CCDC171: variants seen among roughly 807,000 people sequenced by gnomAD.
CCDC171 encodes coiled-coil domain-containing protein 171.
Under a neutral mutation model 168.2 loss-of-function variants are expected in CCDC171, and 177 were observed. That is an observed-to-expected ratio of 1.05 (90% CI 0.93 to 1.19). The LOEUF is 1.19. Among genes scored for constraint, CCDC171 ranks in the 50% most tolerant of loss-of-function variants. The pLI is 0.00. For missense variants in CCDC171, 1,991 were observed against 1,539.0 expected, an observed-to-expected ratio of 1.29 and a Z score of -4.91; for synonymous variants, 687 against 540.8, an observed-to-expected ratio of 1.27 and a Z score of -3.75.
chr9:15,875,367 TA>T (rs1274254290), intron 24 of CCDC171: 5 of 152,026 alleles, frequency 3.3e-5, no homozygotes, highest in African/African-American at 1.2e-4. Flanking sequence ...TTTATGTCAC[TA>T]TTGTATTAAT....
chr9:15,568,212 A>G lies in CCDC171; in HGVS notation c.42-3412A>G, dbSNP rs115943347. Among the ~76,000 whole-genome samples the G allele has an allele frequency of 5.3e-3, 790 of 150,302 alleles. 5 individuals carry two copies. Among genetic ancestry groups the G allele is most frequent in the African/African-American group, 0.019 (762 of 40,832 alleles). ...TTTTACTTCTTCTTTTCCAGTATGCATGCCTTTTATTTCTTTTACATTGCA... is the reference window on the plus strand; with the variant it reads ...TTTTACTTCTTCTTTTCCAGTATGCGTGCCTTTTATTTCTTTTACATTGCA... On this transcript the variant is annotated intron_variant, in intron 2 of 25. Coordinates refer to ENST00000380701, the MANE Select transcript of CCDC171 (RefSeq NM_173550.4).
At chr9:15,608,823 T>C (rs1051165850) in intron 6 of CCDC171, among the ~76,000 whole-genome samples, 17 of 150,210 alleles carry the variant, frequency 1.1e-4, no homozygotes, top group African/African-American at 4.1e-4. Flanking sequence ...CCAGGCGTAG[T>C]GGCATATACC....
chr9:15,702,721 C>G (rs1218106021), intron 11 of CCDC171, among the ~76,000 whole-genome samples: 1 of 152,198 alleles, frequency 6.6e-6, no homozygotes. Flanking sequence ...TTAGCTAGAT[C>G]TGCGGATAAC....
chr9:15,634,921 T>C (rs2046082899), intron 7 of CCDC171, among the ~76,000 whole-genome samples: 1 of 152,204 alleles, frequency 6.6e-6, no homozygotes, highest in East Asian at 1.9e-4. Flanking sequence ...CTGACTTCTT[T>C]CACTTAGCAT....
intron 19 of CCDC171, among the ~76,000 whole-genome samples, chr9:15,778,301 G>A (rs1330589152): frequency 6.3e-5 from 7 of 110,982 alleles, no homozygotes; most frequent in African/African-American, 2.7e-4. Flanking sequence ...GCGACAGAGC[G>A]AGACTCCGTC....
chr9:15,822,241 C>G (rs915644887), intron 21 of CCDC171, among the ~76,000 whole-genome samples: 18 of 152,148 alleles, frequency 1.2e-4, no homozygotes, highest in Admixed American at 8.5e-4. Flanking sequence ...TAGAAGAAAA[C>G]CTAGGCAATA....
At chr9:15,983,690 G>T (rs914337401) in intron 3 of CCDC171, among the ~76,000 whole-genome samples, 1 of 152,050 alleles carries the variant, frequency 6.6e-6, no homozygotes, top group Non-Finnish European at 1.5e-5. Context: ...CCAGATAATT[G>T]TGTAAGGAGT....
At chr9:15,596,881 C>G (rs1447864239) in intron 6 of CCDC171, among the ~76,000 whole-genome samples, 3 of 152,084 alleles carry the variant, frequency 2.0e-5, no homozygotes, top group Non-Finnish European at 4.4e-5. Context: ...AGTTGGATTC[C>G]TAGGTATTTT....
chr9:16,008,314 A>T (rs946188348), intron 3 of CCDC171, among the ~76,000 whole-genome samples: 1 of 152,110 alleles, frequency 6.6e-6, no homozygotes, highest in Non-Finnish European at 1.5e-5. Context: ...GTATCCCTGC[A>T]TTGTTTGTTA....
intron 6 of CCDC171, among the ~76,000 whole-genome samples, chr9:16,032,219 A>T (rs1319583547): frequency 6.6e-6 from 1 of 152,184 alleles, no homozygotes; most frequent in Non-Finnish European, 1.5e-5. Context: ...CCTGCTCTGG[A>T]ATGAGCATGC....
At chr9:15,630,703 C>A (rs1047810249) in intron 7 of CCDC171, among the ~76,000 whole-genome samples, 19 of 152,144 alleles carry the variant, frequency 1.2e-4, no homozygotes, top group Non-Finnish European at 2.5e-4. Flanking sequence ...AACTCTCCAC[C>A]CCAAATCAAC....
rs199582607 is a variant in CCDC171, at chr9:15,579,642, C to G, written c.352+619C>G. ...TGAGGGACCAGAAAATGATCAAAAG[C>G]CCTTCTACATGGATGACTACTATAC... On this transcript the variant is annotated intron_variant, in intron 4 of 25. Coordinates refer to ENST00000380701, the MANE Select transcript of CCDC171 (RefSeq NM_173550.4). Among the ~76,000 whole-genome samples, 5 of 152,112 alleles carry G rather than the reference C, an allele frequency of 3.3e-5. No homozygotes were observed. The East Asian group carries it at 7.7e-4, about 23-fold the overall frequency.
intron 9 of CCDC171, among the ~76,000 whole-genome samples, chr9:15,668,544 AT>A (rs2048889786): frequency 6.6e-6 from 1 of 152,166 alleles, no homozygotes; most frequent in South Asian, 2.1e-4. Context: ...TATAACTGTC[AT>A]AATAATACAA....
chr9:15,889,826 G>T (rs991238161), intron 24 of CCDC171, among the ~76,000 whole-genome samples: 5 of 152,138 alleles, frequency 3.3e-5, no homozygotes, highest in African/African-American at 1.2e-4. Flanking sequence ...AGACTCTGCT[G>T]GTATTCAGAC....
chr9:15,760,863 A>C (rs141843591), intron 18 of CCDC171, among the ~76,000 whole-genome samples: 1 of 152,188 alleles, frequency 6.6e-6, no homozygotes, highest in East Asian at 1.9e-4. Flanking sequence ...TCTTGCTTTC[A>C]TTATAGTGTT....
chr9:15,581,196 A>G (rs903060700), intron 4 of CCDC171, among the ~76,000 whole-genome samples: 2 of 152,196 alleles, frequency 1.3e-5, no homozygotes, highest in African/African-American at 4.8e-5. Context: ...TACAAACAGA[A>G]TAAAATACCT....
chr9:15,763,446 T>G (rs1279853228), intron 18 of CCDC171, among the ~76,000 whole-genome samples: 1 of 152,164 alleles, frequency 6.6e-6, no homozygotes, highest in African/African-American at 2.4e-5. Context: ...TGGTTGGTGT[T>G]TCAGGCATGG....
chr9:15,991,278 C>G (rs1241277187), intron 3 of CCDC171, among the ~76,000 whole-genome samples: 1 of 152,152 alleles, frequency 6.6e-6, no homozygotes, highest in Non-Finnish European at 1.5e-5. Context: ...AAGAAACTCA[C>G]TCCAAACCGC....
At chr9:16,073,838 G>A in the CCDC171 span, among the ~76,000 whole-genome samples, 1 of 152,172 alleles carries the variant, frequency 6.6e-6, no homozygotes, top group East Asian at 1.9e-4. Flanking sequence ...GTGATCCCCT[G>A]TCCTTCTAAT....
Sources: gnomAD v4.1 joint callset for allele counts (sites outside exome capture counted in the v4.1 genomes callset) on GRCh38, gnomAD v4.1.1 for gene constraint, MANE v1.5 for transcripts, NCBI Gene and HGNC (gene_info 2026-07-23, HGNC 2026-07-21) for gene names.